PDE2A: variants seen among roughly 807,000 people sequenced by gnomAD.
PDE2A encodes phosphodiesterase 2A.
In PDE2A, 53 loss-of-function variants were observed where a neutral mutation model predicts 133.6. The ratio of observed to expected loss-of-function variants is 0.40; its 90% CI spans 0.32 to 0.50. The LOEUF (loss-of-function observed/expected upper bound fraction) is 0.50, where lower values mean the gene tolerates loss of function less well. Among genes scored for constraint, PDE2A ranks in the 20% least tolerant of loss-of-function variants. The pLI is 0.73. For missense variants in PDE2A, 796 were observed against 1,232.4 expected (o/e 0.65, Z 5.30); for synonymous variants, 491 against 490.2 (o/e 1.00, Z -0.02).
At position 72,658,279 on chromosome 11, in the gene PDE2A, T is replaced by A. The variant is rs543980771; in HGVS notation, c.71+15858A>T. Reference sequence around the variant, plus strand: ...CTCCTCCTCCTCCCACCCCAGGTTATGGAGGAAACAAGGGCAGATCTTCCC... The same window carrying A: ...CTCCTCCTCCTCCCACCCCAGGTTAAGGAGGAAACAAGGGCAGATCTTCCC... On this transcript the variant is annotated intron_variant, in intron 1 of 30. Transcript: ENST00000334456. 3.2e-5 allele frequency: 12 copies of A among 375,108 alleles called. No individual in the cohort carries two copies. In the East Asian group the frequency reaches 3.6e-4, roughly 11 times the overall value. The allele number at this position is 375,108 out of a possible 1,614,324, so 23.2% of individuals were successfully genotyped here.
chr11:72,653,411 G>A (rs557970650), intron 1 of PDE2A, among the ~76,000 whole-genome samples: 9 of 152,180 alleles, frequency 5.9e-5, no homozygotes, highest in Non-Finnish European at 1.0e-4. Context: ...GGCCAGAATC[G>A]CAGAGACTGC....
chr11:72,590,643 G>A lies in PDE2A; in HGVS notation c.550-63C>T. On this transcript the variant is annotated intron_variant, in intron 7 of 30. Transcript: ENST00000334456. The surrounding 1 kb of genome is among the most constrained non-coding windows in gnomAD (Gnocchi z 4.8). ...AAGCTCGCTGCGCTTGCTGCAGCGG[G>A]ATTCCTGCCTTTGCTCCCGCCGTTC... 7.6e-7 allele frequency: 1 copy of A among 1,307,240 alleles called. No homozygotes were observed. 81.0% of individuals were successfully genotyped at this position (1,307,240 alleles called of 1,614,324 possible).
chr11:72,590,641 G>C lies in PDE2A; in HGVS notation c.550-61C>G, dbSNP rs1856202894. On this transcript the variant is annotated intron_variant, in intron 7 of 30. Coordinates refer to ENST00000334456, the MANE Select transcript of PDE2A (RefSeq NM_002599.5). The surrounding 1 kb of genome is among the most constrained non-coding windows in gnomAD (Gnocchi z 4.8). ...CCAAGCTCGCTGCGCTTGCTGCAGCGGGATTCCTGCCTTTGCTCCCGCCGT... is the reference window on the plus strand; with the variant it reads ...CCAAGCTCGCTGCGCTTGCTGCAGCCGGATTCCTGCCTTTGCTCCCGCCGT... 7.6e-7 allele frequency: 1 copy of C among 1,313,692 alleles called. No homozygotes were observed. Among genetic ancestry groups the C allele is most frequent in the Admixed American group, 4.0e-5 (1 of 24,984 alleles). The allele number at this position is 1,313,692 out of a possible 1,614,324, so 81.4% of individuals were successfully genotyped here. A position where few individuals can be genotyped will look rare whatever the true frequency, so the allele number is the denominator to read the frequency against.
intron 4 of PDE2A, 108 bp downstream of exon 4, chr11:72,605,030 G>A (rs1314246962): frequency 1.1e-5 from 7 of 624,596 alleles, no homozygotes; most frequent in African/African-American, 1.8e-5. Flanking sequence ...GGGAGGCGGG[G>A]ATCAATGTTG....
intron 2 of PDE2A, among the ~76,000 whole-genome samples, chr11:72,616,390 C>A (rs1857475282): frequency 6.6e-6 from 1 of 152,202 alleles, no homozygotes; most frequent in Non-Finnish European, 1.5e-5. Flanking sequence ...CTGGCTCCCA[C>A]AACAGACTGG....
At chr11:72,585,726 G>A (rs565555406) in intron 14 of PDE2A, 133 bp from the exon 15 acceptor site, 4 of 747,342 alleles carry the variant, frequency 5.4e-6, no homozygotes, top group South Asian at 4.9e-5. Context: ...GAAACTGTCA[G>A]TGTCTAATTA....
chr11:72,591,739 C>T, intron 6 of PDE2A, among the ~76,000 whole-genome samples: 1 of 152,188 alleles, frequency 6.6e-6, no homozygotes, highest in Non-Finnish European at 1.5e-5. Flanking sequence ...CCGGCTCTAT[C>T]CTGTCTGAGT....
chr11:72,631,065 A>G, intron 2 of PDE2A: 2 of 1,497,164 alleles, frequency 1.3e-6, no homozygotes, highest in East Asian at 5.2e-5. Context: ...TTCTCCCTCC[A>G]CTGAGCTCTC....
intron 2 of PDE2A, among the ~76,000 whole-genome samples, chr11:72,628,538 C>T (rs1858203249): frequency 6.6e-6 from 1 of 152,172 alleles, no homozygotes; most frequent in Admixed American, 6.5e-5. Context: ...ACCCTGTTAA[C>T]CAGAATGGTC....
At chr11:72,624,138 C>G (rs960058728) in intron 2 of PDE2A, among the ~76,000 whole-genome samples, 15 of 152,158 alleles carry the variant, frequency 9.9e-5, no homozygotes, top group Admixed American at 9.8e-4. Flanking sequence ...ATTACAGGCG[C>G]CTGTCACCAT....
chr11:72,595,192 A>T (rs1016134279), intron 6 of PDE2A, among the ~76,000 whole-genome samples: 1 of 151,984 alleles, frequency 6.6e-6, no homozygotes, highest in Admixed American at 6.6e-5. Context: ...TCATAGCCTC[A>T]ATCTAAGGAA....
chr11:72,673,750 T>G (rs943401810), intron 1 of PDE2A, among the ~76,000 whole-genome samples: 2 of 26,586 alleles, frequency 7.5e-5, no homozygotes, highest in Non-Finnish European at 1.8e-4. Flanking sequence ...ACTCTCCCTC[T>G]CCGGGTCCTG....
rs899475176 is a variant in PDE2A at position 72,578,141 on chromosome 11, G to C, written c.2615+92C>G. On this transcript the variant is annotated intron_variant, in intron 30 of 30. Transcript: ENST00000334456. The surrounding 1 kb of genome is among the most constrained non-coding windows in gnomAD (Gnocchi z 4.2). ...GGATGAATCAGTTGGACCTGGGCCA[G>C]GCCAATCTCAGCACCTGTGTTTCCT... 8 of 840,188 alleles carry C rather than the reference G, an allele frequency of 9.5e-6. No homozygotes were observed. Among genetic ancestry groups the C allele is most frequent in the Non-Finnish European group, 1.6e-5 (8 of 491,204 alleles). 52.0% of individuals were successfully genotyped at this position (840,188 alleles called of 1,614,324 possible). A position where few individuals can be genotyped will look rare whatever the true frequency, so the allele number is the denominator to read the frequency against.
chr11:72,579,532 A>AAAC lies in PDE2A; in HGVS notation c.2256+1_2256+2insGTT. 1.3e-6 allele frequency: 2 copies of AAAC among 1,552,352 alleles called. No homozygotes were observed. The highest frequency in any genetic ancestry group is 1.8e-6 in the Non-Finnish European group (2 of 1,137,968). ...TCCCCACCCCACCCCCAACCCCATC[A>AAAC]CCTTCCGGGAGAAATGATCAAAGAT... On this transcript the variant is annotated splice_donor_variant, in intron 26 of 30. Transcript: ENST00000334456. LOFTEE classifies it high-confidence loss of function.
chr11:72,628,345 T>G (rs1858190523), intron 2 of PDE2A, among the ~76,000 whole-genome samples: 1 of 151,890 alleles, frequency 6.6e-6, no homozygotes, highest in African/African-American at 2.4e-5. Flanking sequence ...TTTTTTTTTT[T>G]TTTGAGATGG....
chr11:72,633,099 C>T (rs772369334), intron 2 of PDE2A, among the ~76,000 whole-genome samples: 13 of 152,354 alleles, frequency 8.5e-5, no homozygotes, highest in Admixed American at 5.9e-4. Flanking sequence ...GAGGCCTGGA[C>T]TCCATAGCCG....
chr11:72,674,006 C>A (rs1368876637), intron 1 of PDE2A, 131 bp downstream of exon 1: 3 of 882,440 alleles, frequency 3.4e-6, no homozygotes, highest in Non-Finnish European at 5.1e-6. Context: ...AGGAGGGGTG[C>A]CCAGGAACAG....
In PDE2A at chr11:72,584,707, C is replaced by A. The variant is rs776482805; in HGVS notation, c.1381G>T (p.Ala461Ser). ...DDESYEIRIP[A>S]DQGIAGHVAT... is the part of the protein sequence containing the mutation. ...ACGTGTCCCGCGATGCCCTGATCGG[C>A]CGGGATGCGGATCTCATAGCTCTGC... The change falls in exon 18 of 31, where the codon GCC (alanine) becomes TCC (serine). Residue 461 changes from alanine (A) to serine (S), a missense_variant. Ala to Ser is a moderately conservative substitution (Grantham distance 99, BLOSUM62 1). This residue lies in a region of PDE2A where 218 missense variants were observed against 465.9 expected (regional missense o/e 0.47). Transcript: ENST00000334456. The A allele has an allele frequency of 2.4e-5, 38 of 1,613,214 alleles. No homozygotes were observed. Among genetic ancestry groups the A allele is most frequent in the Non-Finnish European group, 3.1e-5 (37 of 1,180,010 alleles).
intron 20 of PDE2A, 51 bp from the exon 21 acceptor site, chr11:72,582,617 G>A (rs1237759297): frequency 6.5e-7 from 1 of 1,547,758 alleles, no homozygotes; most frequent in East Asian, 2.3e-5. Flanking sequence ...CCCATCTGGT[G>A]TCTTCACCCT....
Sources: gnomAD v4.1 joint callset for allele counts (sites outside exome capture counted in the v4.1 genomes callset) on GRCh38, gnomAD v4.1.1 for gene constraint, gnomAD v4.1.1 regional missense constraint, Gnocchi (gnomAD v3.1) non-coding constraint, MANE v1.5 for transcripts, NCBI Gene and HGNC (gene_info 2026-07-23, HGNC 2026-07-21) for gene names.